NRXN3: variants seen among roughly 807,000 people sequenced by gnomAD.
NRXN3 encodes the protein neurexin III.
In NRXN3, 32 loss-of-function variants were observed where a neutral mutation model predicts 137.6. That is an observed-to-expected ratio of 0.23 (90% CI 0.18 to 0.31). The LOEUF is 0.31. Among genes scored for constraint, NRXN3 ranks in the 10% least tolerant of loss-of-function variants. The pLI, the probability that NRXN3 is intolerant of heterozygous loss-of-function variation, is 1.00. For missense variants in NRXN3, 1,574 were observed against 2,062.5 expected (o/e 0.76, Z 4.59); for synonymous variants, 798 against 784.5 (o/e 1.02, Z -0.29).
chr14:78,602,267 CTTTTTTTT>C (rs370669288), intron 4 of NRXN3, among the ~76,000 whole-genome samples: 2 of 115,262 alleles, frequency 1.7e-5, no homozygotes, highest in East Asian at 5.8e-4. Context: ...TCACATTAGC[CTTTTTTTT>C]TTTTTTTTTT....
chr14:78,777,741 A>G (rs2098749194), intron 8 of NRXN3, among the ~76,000 whole-genome samples: 1 of 152,118 alleles, frequency 6.6e-6, no homozygotes, highest in African/African-American at 2.4e-5. Flanking sequence ...AAGAGAAGGG[A>G]GATTTAGGCG....
At chr14:79,374,606 C>T (rs143214704) in intron 15 of NRXN3, among the ~76,000 whole-genome samples, 3 of 152,176 alleles carry the variant, frequency 2.0e-5, no homozygotes, top group African/African-American at 7.2e-5. Flanking sequence ...CTTATCTTGA[C>T]TTAAGCATCC....
In NRXN3 at chr14:79,867,402, G is replaced by A. The variant is rs2099418484; in HGVS notation, c.*5438G>A. 1 of 152,160 alleles carries A rather than the reference G, an allele frequency of 6.6e-6. No homozygotes were observed. Among genetic ancestry groups the A allele is most frequent in the East Asian group, 1.9e-4 (1 of 5,188 alleles). The allele number at this position is 152,160 out of a possible 1,614,324, so 9.4% of individuals were successfully genotyped here. A position where few individuals can be genotyped will look rare whatever the true frequency, so the allele number is the denominator to read the frequency against. ...AAAGTTTGTTAGGGCTCAGTTTCTG[G>A]GAAGGGCTCTCTTCCTGGCTTGTAG... On this transcript the variant is annotated 3_prime_UTR_variant, in exon 21 of 21. Transcript: ENST00000335750.
Position 78,512,492 on chromosome 14 carries a change from C to T in NRXN3, c.758-132628C>T, listed in dbSNP as rs1234307671. ...AAAGAGACTGGAAAATGTAAAAAAC[C>T]CAGACAGAAAGGGAAGTAGGCTCCA... On this transcript the variant is annotated intron_variant, in intron 4 of 20. Coordinates refer to ENST00000335750, the MANE Select transcript of NRXN3 (RefSeq NM_001330195.2). Among the ~76,000 whole-genome samples, 9 of 152,166 alleles carry T rather than the reference C, an allele frequency of 5.9e-5. No individual in the cohort carries two copies. The East Asian group carries it at 1.7e-3, about 29-fold the overall frequency.
chr14:79,801,399 A>C (rs2099180064), intron 19 of NRXN3, among the ~76,000 whole-genome samples: 1 of 152,258 alleles, frequency 6.6e-6, no homozygotes, highest in Non-Finnish European at 1.5e-5. Context: ...AATCGTAACA[A>C]ATAGAGCACA....
At chr14:78,259,468 A>C (rs1285116937) in intron 2 of NRXN3, among the ~76,000 whole-genome samples, 1 of 152,106 alleles carries the variant, frequency 6.6e-6, no homozygotes, top group Non-Finnish European at 1.5e-5. Context: ...TGCCAGTGCT[A>C]AAGCTCCCCT....
chr14:79,482,286 T>C (rs1031602695), intron 16 of NRXN3, among the ~76,000 whole-genome samples: 2 of 152,208 alleles, frequency 1.3e-5, no homozygotes, highest in Non-Finnish European at 2.9e-5. Flanking sequence ...TAGGGCAAGA[T>C]GGAATTGGTT....
At chr14:79,167,785 A>C (rs959053101) in intron 15 of NRXN3, among the ~76,000 whole-genome samples, 3 of 151,208 alleles carry the variant, frequency 2.0e-5, no homozygotes, top group African/African-American at 7.3e-5. Context: ...TGTCAGTCCC[A>C]CCTCTCTGGA....
intron 16 of NRXN3, among the ~76,000 whole-genome samples, chr14:79,635,073 T>C (rs2098393252): frequency 6.6e-6 from 1 of 152,228 alleles, no homozygotes; most frequent in South Asian, 2.1e-4. Context: ...GAGAGAATTT[T>C]GAATATTCTC....
At chr14:78,850,742 G>T (rs951648364) in intron 10 of NRXN3, among the ~76,000 whole-genome samples, 1 of 151,968 alleles carries the variant, frequency 6.6e-6, no homozygotes, top group African/African-American at 2.4e-5. Flanking sequence ...ACCACCGCTG[G>T]GTAGAATCTG....
chr14:79,361,996 AATTATTATT>A (rs3036671), intron 15 of NRXN3, among the ~76,000 whole-genome samples: 394 of 142,106 alleles, frequency 2.8e-3, no homozygotes, highest in African/African-American at 8.0e-3. Flanking sequence ...CTACTTTTAT[AATTATTATT>A]ATTATTATTA....
intron 15 of NRXN3, among the ~76,000 whole-genome samples, chr14:79,198,587 A>G (rs1449901272): frequency 6.6e-6 from 1 of 152,240 alleles, no homozygotes. Flanking sequence ...GAAAAAGTTA[A>G]GGGAACCAAA....
intron 15 of NRXN3, among the ~76,000 whole-genome samples, chr14:79,282,305 G>C (rs2081404802): frequency 6.6e-6 from 1 of 152,188 alleles, no homozygotes; most frequent in Non-Finnish European, 1.5e-5. Context: ...ACACGGAAAT[G>C]CTCAGAGATT....
intron 16 of NRXN3, among the ~76,000 whole-genome samples, chr14:79,608,671 T>G (rs2098056512): frequency 6.6e-6 from 1 of 152,202 alleles, no homozygotes; most frequent in South Asian, 2.1e-4. Flanking sequence ...CCTGGGGCGC[T>G]TCTAGTATTC....
chr14:79,723,811 C>G (rs76528800), intron 19 of NRXN3, among the ~76,000 whole-genome samples: 11,220 of 152,162 alleles, frequency 0.074, 490 homozygotes, highest in South Asian at 0.23. Context: ...CTTTCCTTTC[C>G]CTTCTCAAGC....
chr14:78,511,086 A>G (rs1177005094), intron 4 of NRXN3, among the ~76,000 whole-genome samples: 1 of 152,150 alleles, frequency 6.6e-6, no homozygotes, highest in Non-Finnish European at 1.5e-5. Flanking sequence ...TCCTAGTCTG[A>G]TGTCACTGAG....
chr14:78,966,426 A>G lies in NRXN3; in HGVS notation c.2777+20A>G, dbSNP rs1313502683. On this transcript the variant is annotated intron_variant, in intron 12 of 20. Transcript: ENST00000335750. ...CAAGGGGTAAGTAGAAGGGATCACG[A>G]CTTATGTTGGACACCTTTAATCTAC... 3 of 1,599,374 alleles carry G rather than the reference A, an allele frequency of 1.9e-6. No homozygotes were observed. Among genetic ancestry groups the G allele is most frequent in the Non-Finnish European group, 2.6e-6 (3 of 1,170,866 alleles).
At chr14:78,775,658 G>A (rs1219400028) in intron 8 of NRXN3, among the ~76,000 whole-genome samples, 1 of 152,196 alleles carries the variant, frequency 6.6e-6, no homozygotes, top group Non-Finnish European at 1.5e-5. Flanking sequence ...TATCTCTGAT[G>A]TGGAAAATAA....
At chr14:79,275,310 C>T (rs1008892971) in intron 15 of NRXN3, among the ~76,000 whole-genome samples, 14 of 151,772 alleles carry the variant, frequency 9.2e-5, no homozygotes, top group African/African-American at 3.1e-4. Context: ...CTCTACTCTT[C>T]ATATTTGGAA....
Sources: allele counts gnomAD v4.1 joint callset (sites outside exome capture counted in the v4.1 genomes callset), GRCh38; gene constraint gnomAD v4.1.1; transcripts MANE v1.5; gene names NCBI Gene and HGNC (gene_info 2026-07-23, HGNC 2026-07-21).